Variants in MAP3K13 observed in about 807,000 individuals in gnomAD.
MAP3K13 encodes the protein mitogen-activated protein kinase kinase kinase 13.
MAP3K13 carries 52 observed loss-of-function variants against 104.0 expected under a neutral mutation model. The ratio of observed to expected loss-of-function variants is 0.50; its 90% CI spans 0.40 to 0.63. The LOEUF is 0.63. MAP3K13 is among the 20% of genes least tolerant of loss of function. MAP3K13 has a pLI of 0.00. For synonymous variants in MAP3K13, 394 were observed against 442.2 expected (o/e 0.89, Z 1.37); for missense variants, 914 against 1,218.5 (o/e 0.75, Z 3.72).
chr3:185,361,112 G>A (rs1401363150), upstream of MAP3K13, among the ~76,000 whole-genome samples: 1 of 149,992 alleles, frequency 6.7e-6, no homozygotes, highest in Non-Finnish European at 1.5e-5. Context: ...GTGTGTGTGT[G>A]TGTGTGTGTG....
At chr3:185,406,243 G>A (rs1480905411) in intron 1 of MAP3K13, among the ~76,000 whole-genome samples, 5 of 152,088 alleles carry the variant, frequency 3.3e-5, no homozygotes, top group South Asian at 4.1e-4. Flanking sequence ...CTTCCTAGCC[G>A]GCAATTTAGT....
chr3:185,438,787 G>A (rs1315451892), intron 3 of MAP3K13, among the ~76,000 whole-genome samples: 2 of 152,190 alleles, frequency 1.3e-5, no homozygotes, highest in African/African-American at 2.4e-5. Context: ...CAAATAAGTG[G>A]TAAGTGGCTT....
intron 1 of MAP3K13, among the ~76,000 whole-genome samples, chr3:185,393,529 G>C (rs970215154): frequency 8.0e-5 from 12 of 150,656 alleles, no homozygotes; most frequent in African/African-American, 2.7e-4. Flanking sequence ...CGTGATCTCA[G>C]CTCACTGCAA....
chr3:185,307,102 G>T (rs1300116863), intron 2 of MAP3K13, among the ~76,000 whole-genome samples: 1 of 151,852 alleles, frequency 6.6e-6, no homozygotes, highest in Admixed American at 6.6e-5. Flanking sequence ...TTCTCTTGCT[G>T]CTTTCAAGAT....
intron 1 of MAP3K13, among the ~76,000 whole-genome samples, chr3:185,406,835 A>G (rs1429818930): frequency 6.6e-6 from 1 of 152,136 alleles, no homozygotes; most frequent in African/African-American, 2.4e-5. Flanking sequence ...TGGATGCCCT[A>G]TTGCAATAAC....
chr3:185,308,995 C>T (rs1432130724), intron 2 of MAP3K13, among the ~76,000 whole-genome samples: 1 of 152,050 alleles, frequency 6.6e-6, no homozygotes, highest in Non-Finnish European at 1.5e-5. Context: ...GGAATGAGGT[C>T]TGGGGATTCC....
chr3:185,456,188 A>C (rs950280945), intron 7 of MAP3K13, among the ~76,000 whole-genome samples: 1 of 151,558 alleles, frequency 6.6e-6, no homozygotes, highest in Admixed American at 6.6e-5. Flanking sequence ...TAAATCAGAG[A>C]CTCCTGTCCT....
intron 2 of MAP3K13, among the ~76,000 whole-genome samples, chr3:185,335,519 G>A (rs866029008): frequency 7.2e-5 from 11 of 152,100 alleles, no homozygotes; most frequent in Non-Finnish European, 1.2e-4. Context: ...GACTAAAGGT[G>A]CAAAGCATTT....
intron 1 of MAP3K13, among the ~76,000 whole-genome samples, chr3:185,381,671 G>C (rs1361813507): frequency 6.6e-6 from 1 of 152,174 alleles, no homozygotes; most frequent in Admixed American, 6.5e-5. Context: ...TTGAAATGCT[G>C]TCTAGTGTTC....
intron 1 of MAP3K13, among the ~76,000 whole-genome samples, chr3:185,393,246 T>C (rs1424132709): frequency 6.6e-6 from 1 of 152,122 alleles, no homozygotes; most frequent in African/African-American, 2.4e-5. Context: ...CATTAATTAA[T>C]GAGGAAACTA....
In MAP3K13 at chr3:185,473,660, G is replaced by A. The variant is rs1012339817; in HGVS notation, c.2329G>A (p.Glu777Lys). 6.2e-7 allele frequency: 1 copy of A among 1,614,024 alleles called. No individual in the cohort carries two copies. Among genetic ancestry groups the A allele is most frequent in the African/African-American group, 1.3e-5 (1 of 74,912 alleles). Residue 777 changes from glutamate to lysine, a missense_variant, in exon 11 of 14, where the codon GAA becomes AAA. Coordinates refer to ENST00000265026, the MANE Select transcript of MAP3K13 (RefSeq NM_004721.5). The surrounding 1 kb of genome is among the most constrained non-coding windows in gnomAD (Gnocchi z 4.9). ...AAACGCCCAGAGTTCTGAGAAAACG[G>A]AAGAAAATGAATTCAGCGGCTGTAG... The part of the protein sequence containing the change: ...LENAQSSEKT[E>K]ENEFSGCRSE...
chr3:185,369,017 T>C lies in MAP3K13; in HGVS notation c.-86+5649T>C, dbSNP rs776404912. On this transcript the variant is annotated intron_variant, in intron 1 of 13. Coordinates refer to ENST00000265026, the MANE Select transcript of MAP3K13 (RefSeq NM_004721.5). Reference sequence around the variant, plus strand: ...TATAAAGGTGTTGTCATCATTTTTCTATTCATTTAATCAACAATATTGATT... The same window carrying C: ...TATAAAGGTGTTGTCATCATTTTTCCATTCATTTAATCAACAATATTGATT... 3.4e-4 allele frequency among the ~76,000 whole-genome samples: 52 copies of C among 152,148 alleles called. 1 individual carries two copies. Among genetic ancestry groups the C allele is most frequent in the Non-Finnish European group, 1.5e-4 (10 of 68,032 alleles).
rs1013703071 is a variant in MAP3K13, at chr3:185,488,664, G to C, written c.*6208G>C. ...AGCCACTTCACAGCACTCAGGGATC[G>C]CTGGCTCCCGGCCCTAGGCTGCTGT... is the stretch of plus-strand genomic sequence containing the variant. On this transcript the variant is annotated 3_prime_UTR_variant, in exon 14 of 14. Coordinates refer to ENST00000265026, the MANE Select transcript of MAP3K13 (RefSeq NM_004721.5). 3.9e-5 allele frequency: 6 copies of C among 152,364 alleles called. No individual in the cohort carries two copies. In the South Asian group the frequency reaches 8.3e-4, roughly 21 times the overall value. 9.4% of individuals were successfully genotyped at this position (152,364 alleles called of 1,614,324 possible). A position where few individuals can be genotyped will look rare whatever the true frequency, so the allele number is the denominator to read the frequency against.
chr3:185,388,483 C>T (rs961911214), intron 1 of MAP3K13, among the ~76,000 whole-genome samples: 2 of 151,980 alleles, frequency 1.3e-5, no homozygotes, highest in Non-Finnish European at 2.9e-5. Flanking sequence ...GCCTAGGTGA[C>T]AGAGTGAGAC....
At chr3:185,434,573 T>C (rs1714918682) in intron 2 of MAP3K13, among the ~76,000 whole-genome samples, 1 of 152,108 alleles carries the variant, frequency 6.6e-6, no homozygotes, top group Admixed American at 6.6e-5. Context: ...TTAGAACTTA[T>C]AATAAAAATA....
chr3:185,386,653 A>G (rs540685446), intron 1 of MAP3K13, among the ~76,000 whole-genome samples: 100 of 152,344 alleles, frequency 6.6e-4, no homozygotes, highest in African/African-American at 2.3e-3. Context: ...GTCAACCTAA[A>G]TGCCCATCAA....
intron 2 of MAP3K13, among the ~76,000 whole-genome samples, chr3:185,300,310 C>T (rs896038248): frequency 1.3e-5 from 2 of 151,464 alleles, no homozygotes; most frequent in African/African-American, 4.9e-5. Flanking sequence ...CTGCCTCAGC[C>T]TCCCGAGTAG....
intron 2 of MAP3K13, among the ~76,000 whole-genome samples, chr3:185,335,794 AT>A (rs1722480306): frequency 6.6e-6 from 1 of 152,004 alleles, no homozygotes; most frequent in South Asian, 2.1e-4. Flanking sequence ...TACAGATGCA[AT>A]TTTTTCCCCA....
chr3:185,356,768 C>T (rs936199439), intron 2 of MAP3K13, among the ~76,000 whole-genome samples: 1 of 152,174 alleles, frequency 6.6e-6, no homozygotes, highest in South Asian at 2.1e-4. Context: ...TCTTGGAGCA[C>T]TCGCTTCAGA....
Sources: allele counts gnomAD v4.1 joint callset (sites outside exome capture counted in the v4.1 genomes callset), GRCh38; gene constraint gnomAD v4.1.1; non-coding constraint Gnocchi (gnomAD v3.1); transcripts MANE v1.5; gene names NCBI Gene and HGNC (gene_info 2026-07-23, HGNC 2026-07-21).